METTL5: variants seen among roughly 807,000 people sequenced by gnomAD.
METTL5 encodes methyltransferase 5, N6-adenosine.
Under a neutral mutation model 26.5 loss-of-function variants are expected in METTL5, and 28 were observed. That is an observed-to-expected ratio of 1.06 (90% CI 0.78 to 1.45). The LOEUF (loss-of-function observed/expected upper bound fraction) is 1.45. Ranked by LOEUF, METTL5 falls within the 40% of genes most tolerant of loss-of-function variation. The pLI, the probability that METTL5 is intolerant of heterozygous loss-of-function variation, is 0.00. For missense variants in METTL5, 231 were observed against 249.9 expected, an observed-to-expected ratio of 0.92 and a Z score of 0.51; for synonymous variants, 86 against 82.6, an observed-to-expected ratio of 1.04 and a Z score of -0.22.
intron 5 of METTL5, among the ~76,000 whole-genome samples, chr2:169,814,478 AAAAG>A (rs1406474873): frequency 8.0e-5 from 12 of 149,690 alleles, no homozygotes; most frequent in African/African-American, 2.0e-4. Flanking sequence ...CAAAAAAAAA[AAAAG>A]AAAAAAGAAA....
intron 1 of METTL5, among the ~76,000 whole-genome samples, chr2:169,822,973 G>A (rs749819038): frequency 3.3e-5 from 5 of 151,824 alleles, no homozygotes; most frequent in Admixed American, 2.6e-4. Context: ...TGATTCCTGC[G>A]GATCCAGAAG....
At chr2:169,819,036 G>T (rs1411187554) in intron 4 of METTL5, among the ~76,000 whole-genome samples, 1 of 152,178 alleles carries the variant, frequency 6.6e-6, no homozygotes. Context: ...CCTAACTATT[G>T]TGTTATACTG....
intron 6 of METTL5, 195 bp downstream of exon 6, chr2:169,812,262 C>T: frequency 1.2e-6 from 1 of 805,140 alleles, no homozygotes; most frequent in Non-Finnish European, 2.0e-6. Flanking sequence ...TTTTTCGAGA[C>T]TGAGTCTCAC....
At chr2:169,821,345 GTT>G in intron 2 of METTL5, 72 bp from the exon 3 acceptor site, 1 of 836,700 alleles carries the variant, frequency 1.2e-6, no homozygotes, top group Non-Finnish European at 1.8e-6. Context: ...AAAATTAGCT[GTT>G]TTTTTTTTAA....
At chr2:169,811,934 GTTCTGTTTGTGTTAT>G in intron 6 of METTL5, 76 bp from the exon 7 acceptor site, 1 of 1,487,018 alleles carries the variant, frequency 6.7e-7, no homozygotes, top group East Asian at 2.3e-5. Flanking sequence ...TGAATGTATT[GTTCTGTTTGTGTTAT>G]TTCAGATGAT....
At chr2:169,812,355 C>T in intron 6 of METTL5, 102 bp downstream of exon 6, 1 of 1,605,128 alleles carries the variant, frequency 6.2e-7, no homozygotes, top group Non-Finnish European at 8.5e-7. Context: ...ATTCTCTTGC[C>T]TCAGCCTCCC....
At chr2:169,816,085 A>G (rs1449869748) in intron 4 of METTL5, among the ~76,000 whole-genome samples, 2 of 152,194 alleles carry the variant, frequency 1.3e-5, no homozygotes, top group Non-Finnish European at 2.9e-5. Flanking sequence ...GTCAGAACAT[A>G]TCCCTGTTGT....
At chr2:169,812,263 T>C in intron 6 of METTL5, 194 bp downstream of exon 6, 3 of 816,628 alleles carry the variant, frequency 3.7e-6, no homozygotes, top group Middle Eastern at 2.4e-4. Flanking sequence ...TTTTCGAGAC[T>C]GAGTCTCACT....
chr2:169,821,537 C>T (rs970239696), intron 2 of METTL5, among the ~76,000 whole-genome samples: 4 of 152,078 alleles, frequency 2.6e-5, no homozygotes, highest in Non-Finnish European at 4.4e-5. Context: ...AGGCGCACAC[C>T]ACCACATCCA....
intron 4 of METTL5, among the ~76,000 whole-genome samples, chr2:169,818,354 T>G (rs545453064): frequency 1.8e-4 from 27 of 152,348 alleles, no homozygotes; most frequent in Admixed American, 1.6e-3. Flanking sequence ...TTCTCCTTGC[T>G]GATTTTGCTC....
chr2:169,821,307 C>T (rs1217316406), intron 2 of METTL5, 34 bp from the exon 3 acceptor site: 6 of 1,459,676 alleles, frequency 4.1e-6, no homozygotes, highest in Non-Finnish European at 5.5e-6. Context: ...AGAGTGGCGA[C>T]TTATAGCTCC....
intron 1 of METTL5, 129 bp from the exon 2 acceptor site, chr2:169,822,186 A>AT: frequency 1.5e-6 from 2 of 1,318,200 alleles, no homozygotes; most frequent in South Asian, 1.6e-5. Context: ...ATTCCAGATT[A>AT]TTTTTGTAAA....
chr2:169,823,841 T>A (rs976504603), intron 1 of METTL5, among the ~76,000 whole-genome samples: 2 of 152,008 alleles, frequency 1.3e-5, no homozygotes, highest in African/African-American at 2.4e-5. Context: ...AATAATAAAA[T>A]TTTTTTCCCC....
intron 5 of METTL5, among the ~76,000 whole-genome samples, chr2:169,814,217 G>A (rs1053114702): frequency 3.3e-5 from 5 of 152,010 alleles, no homozygotes; most frequent in Admixed American, 1.3e-4. Flanking sequence ...GCTGGGCTCA[G>A]TGGCTCACAC....
At chr2:169,820,930 A>G (rs1399223103) in intron 3 of METTL5, among the ~76,000 whole-genome samples, 162 bp downstream of exon 3, 1 of 151,914 alleles carries the variant, frequency 6.6e-6, no homozygotes, top group East Asian at 1.9e-4. Context: ...GGGTCTAACT[A>G]TGTTGCCCGG....
intron 1 of METTL5, among the ~76,000 whole-genome samples, chr2:169,823,874 T>A (rs529170781): frequency 1.2e-4 from 18 of 152,182 alleles, no homozygotes; most frequent in Admixed American, 2.6e-4. Context: ...ATGACTTCGG[T>A]AACATAAATA....
chr2:169,812,730 A>G (rs1246805099), intron 5 of METTL5: 3 of 499,588 alleles, frequency 6.0e-6, no homozygotes, highest in Non-Finnish European at 1.1e-5. Flanking sequence ...ATTTGAGGTT[A>G]TAAGTGATGA....
chr2:169,817,566 T>C (rs1282183519), intron 4 of METTL5, among the ~76,000 whole-genome samples: 1 of 151,786 alleles, frequency 6.6e-6, no homozygotes, highest in Non-Finnish European at 1.5e-5. Context: ...ATAAAGAAAA[T>C]GTGGCACATA....
chr2:169,821,107 T>G lies in METTL5; in HGVS notation c.391A>C (p.Thr131Pro). ...DTVIMNPPFG[T>P]KNNKGTDMAF... ...TGTTACAAACCTTTATTATTTTTGG[T>G]CCCAAAGGGAGGATTCATAATTACT... is the stretch of plus-strand genomic sequence containing the variant. Residue 131 changes from threonine to proline, a missense_variant, in exon 3 of 7, where the codon ACC becomes CCC. Physicochemically the swap from Thr to Pro is conservative, Grantham distance 38. Coordinates refer to ENST00000260953, the MANE Select transcript of METTL5 (RefSeq NM_014168.4). The G allele has an allele frequency of 1.3e-6, 2 of 1,591,032 alleles. No individual in the cohort carries two copies. The highest frequency in any genetic ancestry group is 1.7e-6 in the Non-Finnish European group (2 of 1,172,662).
Sources: gnomAD v4.1 joint callset for allele counts (sites outside exome capture counted in the v4.1 genomes callset) on GRCh38, gnomAD v4.1.1 for gene constraint, MANE v1.5 for transcripts, NCBI Gene and HGNC (gene_info 2026-07-23, HGNC 2026-07-21) for gene names.